Variants in KRT7 observed in about 807,000 individuals in gnomAD.
The protein encoded by KRT7 is keratin, type II cytoskeletal 7.
In KRT7, 50 loss-of-function variants were observed where a neutral mutation model predicts 42.8. The observed-to-expected ratio is 1.17, with a 90% CI of 0.93 to 1.48. The LOEUF is 1.48. KRT7 is among the 40% of genes most tolerant of loss of function. KRT7 has a pLI of 0.00. For missense variants in KRT7, 588 were observed against 637.6 expected, an observed-to-expected ratio of 0.92 and a Z score of 0.84; for synonymous variants, 268 against 266.3, an observed-to-expected ratio of 1.01 and a Z score of -0.06.
chr12:52,237,616 A>G, intron 3 of KRT7, 47 bp downstream of exon 3: 1 of 1,251,248 alleles, frequency 8.0e-7, no homozygotes, highest in Non-Finnish European at 1.1e-6. Context: ...AAAACATGGG[A>G]CAAAGGACCA....
At chr12:52,234,382 G>A (rs1035260494) in intron 1 of KRT7, among the ~76,000 whole-genome samples, 1 of 152,222 alleles carries the variant, frequency 6.6e-6, no homozygotes. Context: ...CCAAAGCCAG[G>A]AACTCAGGGC....
At chr12:52,242,805 T>C (rs1489731470) in intron 5 of KRT7, among the ~76,000 whole-genome samples, 1 of 152,042 alleles carries the variant, frequency 6.6e-6, no homozygotes, top group Non-Finnish European at 1.5e-5. Flanking sequence ...TGCGGAGCCT[T>C]GTCTGTCCTC....
intron 3 of KRT7, 147 bp from the exon 4 acceptor site, chr12:52,238,533 T>C: frequency 1.6e-6 from 1 of 625,662 alleles, no homozygotes. Flanking sequence ...GCTGTGACCA[T>C]GTACAGCAGC....
rs758911216 is a variant in KRT7 at position 52,233,493 on chromosome 12, T to C, written c.197T>C (p.Val66Ala). ...CCGGTGGGCGCCGGCATCCGCGAGG[T>C]CACCATTAACCAGAGCCTGCTGGCC... ...GGPVGAGIREVTINQSLLAPL... is the reference protein window; with the variant it reads ...GGPVGAGIREATINQSLLAPL... The change falls in exon 1 of 9, where the codon GTC (valine) becomes GCC (alanine). Residue 66 changes from valine (V) to alanine (A), a missense_variant. Transcript: ENST00000331817. The C allele has an allele frequency of 6.2e-7, 1 of 1,610,094 alleles. No individual in the cohort carries two copies. Among genetic ancestry groups the C allele is most frequent in the South Asian group, 1.1e-5 (1 of 90,860 alleles).
downstream of KRT7, chr12:52,253,608 C>T (rs755527496): frequency 2.9e-5 from 46 of 1,581,610 alleles, 1 homozygote; most frequent in African/African-American, 8.1e-5. Context: ...CACCTTGCTG[C>T]GGTACCAGGA....
intron 2 of KRT7, 55 bp from the exon 3 acceptor site, chr12:52,237,454 G>A (rs1039147963): frequency 3.1e-6 from 4 of 1,309,748 alleles, no homozygotes; most frequent in African/African-American, 1.5e-5. Context: ...TGGCGGAGGG[G>A]GGACGGGAGC....
At chr12:52,250,644 G>A, downstream of KRT7, 1 of 751,664 alleles carries the variant, frequency 1.3e-6, no homozygotes, top group Non-Finnish European at 2.3e-6. Context: ...GCTGACACCT[G>A]CCAGAGGGGG....
chr12:52,250,161 C>T (rs1942240757), downstream of KRT7, among the ~76,000 whole-genome samples: 1 of 152,214 alleles, frequency 6.6e-6, no homozygotes, highest in Admixed American at 6.5e-5. Context: ...GGGCTCCAGG[C>T]CCATCTGTCC....
At chr12:52,248,047 C>A in intron 7 of KRT7, 130 bp from the exon 8 acceptor site, 3 of 860,074 alleles carry the variant, frequency 3.5e-6, no homozygotes, top group South Asian at 1.5e-5. Context: ...AGGCTGAAGG[C>A]AGGCTGGAAG....
chr12:52,243,324 G>A (rs1942120816), intron 6 of KRT7, 187 bp downstream of exon 6: 2 of 663,000 alleles, frequency 3.0e-6, no homozygotes, highest in Non-Finnish European at 4.9e-6. Context: ...GGGCTGATGG[G>A]AGAAAGGTCC....
At chr12:52,248,506 G>C (rs1413615926) in intron 8 of KRT7, 85 bp from the exon 9 acceptor site, 2 of 1,362,806 alleles carry the variant, frequency 1.5e-6, no homozygotes, top group African/African-American at 2.9e-5. Flanking sequence ...GGGCAGCTGG[G>C]GCAGGAGGGT....
downstream of KRT7, chr12:52,251,902 G>T: frequency 2.2e-6 from 1 of 454,850 alleles, no homozygotes. Context: ...ACGGAGTGGA[G>T]CAGTTGAGGC....
chr12:52,250,536 GC>G, downstream of KRT7: 1 of 1,047,652 alleles, frequency 9.5e-7, no homozygotes, highest in Non-Finnish European at 1.4e-6. Flanking sequence ...GGTGCTCACC[GC>G]CACGTTCCCG....
intron 4 of KRT7, among the ~76,000 whole-genome samples, chr12:52,239,593 C>G (rs995783436): frequency 6.6e-6 from 1 of 151,944 alleles, no homozygotes; most frequent in African/African-American, 2.4e-5. Flanking sequence ...ATGGGATGAT[C>G]GCAGCATTTC....
At chr12:52,237,290 T>C (rs1942023625) in intron 2 of KRT7, among the ~76,000 whole-genome samples, 1 of 152,186 alleles carries the variant, frequency 6.6e-6, no homozygotes, top group East Asian at 1.9e-4. Flanking sequence ...GTTTCCTATG[T>C]GCCCCACCAA....
intron 1 of KRT7, among the ~76,000 whole-genome samples, chr12:52,234,106 C>CT (rs1394672017): frequency 1.0e-5 from 1 of 96,226 alleles, no homozygotes; most frequent in African/African-American, 4.2e-5. Flanking sequence ...GAGATTAGAG[C>CT]GGCAGTCGGT....
downstream of KRT7, chr12:52,253,641 G>A (rs772697679): frequency 1.9e-5 from 30 of 1,544,568 alleles, no homozygotes; most frequent in African/African-American, 2.7e-5. Flanking sequence ...CCGGCTGCGG[G>A]TGGCAATGTC....
At chr12:52,249,900 C>G (rs183067415), downstream of KRT7, among the ~76,000 whole-genome samples, 2 of 152,218 alleles carry the variant, frequency 1.3e-5, no homozygotes, top group African/African-American at 4.8e-5. Context: ...GGACCAGCAG[C>G]CACAGTGATG....
intron 4 of KRT7, among the ~76,000 whole-genome samples, chr12:52,240,169 A>T (rs1275418222): frequency 6.6e-6 from 1 of 150,770 alleles, no homozygotes; most frequent in Non-Finnish European, 1.5e-5. Flanking sequence ...GTGTACACAC[A>T]CACACACACA....
Sources: gnomAD v4.1 joint callset for allele counts (sites outside exome capture counted in the v4.1 genomes callset) on GRCh38, gnomAD v4.1.1 for gene constraint, MANE v1.5 for transcripts, NCBI Gene and HGNC (gene_info 2026-07-23, HGNC 2026-07-21) for gene names.